OR1J2: variants seen among roughly 807,000 people sequenced by gnomAD.
OR1J2 encodes the protein olfactory receptor 1J2.
For missense variants in OR1J2, 304 were observed against 246.1 expected, an observed-to-expected ratio of 1.24 and a Z score of -1.57; for synonymous variants, 142 against 99.7, an observed-to-expected ratio of 1.42 and a Z score of -2.52.
chr9:122,501,578 T>C, the OR1J2 span, among the ~76,000 whole-genome samples: 1 of 152,226 alleles, frequency 6.6e-6, no homozygotes, highest in Non-Finnish European at 1.5e-5. Context: ...CCCTTCTTAA[T>C]ACGTGCCGAG....
the OR1J2 span, among the ~76,000 whole-genome samples, chr9:122,502,760 TA>T: frequency 6.6e-6 from 1 of 152,130 alleles, no homozygotes; most frequent in Non-Finnish European, 1.5e-5. Context: ...GTGGAATCTT[TA>T]CTGTGTTTCC....
chr9:122,539,636 G>T, the OR1J2 span, among the ~76,000 whole-genome samples: 4 of 152,110 alleles, frequency 2.6e-5, no homozygotes, highest in African/African-American at 9.7e-5. Context: ...ACCCAGTAAT[G>T]GGATGGCTGG....
the OR1J2 span, chr9:122,477,080 G>A: frequency 1.2e-6 from 2 of 1,613,904 alleles, no homozygotes. Flanking sequence ...TTCAACATGG[G>A]AGTGACTGCT....
chr9:122,496,003 T>C, the OR1J2 span, among the ~76,000 whole-genome samples: 1 of 152,194 alleles, frequency 6.6e-6, no homozygotes, highest in East Asian at 1.9e-4. Context: ...GGGATGGTAC[T>C]GGGGAGTATC....
chr9:122,578,058 A>T, the OR1J2 span, among the ~76,000 whole-genome samples: 27 of 152,366 alleles, frequency 1.8e-4, no homozygotes, highest in South Asian at 5.2e-3. Context: ...TAGTACAACC[A>T]CTATGGAAAA....
At chr9:122,541,266 G>A in the OR1J2 span, among the ~76,000 whole-genome samples, 3 of 152,106 alleles carry the variant, frequency 2.0e-5, no homozygotes, top group East Asian at 1.9e-4. Context: ...TAAATCCTAA[G>A]CTGGCAGTAG....
At chr9:122,505,003 T>A in the OR1J2 span, among the ~76,000 whole-genome samples, 1 of 152,048 alleles carries the variant, frequency 6.6e-6, no homozygotes, top group South Asian at 2.1e-4. Flanking sequence ...TTAACCGTCT[T>A]CCCTGGGTTT....
At chr9:122,507,453 A>G (rs1335266583), upstream of OR1J2, among the ~76,000 whole-genome samples, 3 of 152,166 alleles carry the variant, frequency 2.0e-5, no homozygotes. Context: ...CTTATCCCCA[A>G]ATACAGTCTA....
At chr9:122,572,990 C>T in the OR1J2 span, 1 of 152,394 alleles carries the variant, frequency 6.6e-6, no homozygotes. Flanking sequence ...CTCCCTGTTT[C>T]CTTCCTAATC....
the OR1J2 span, among the ~76,000 whole-genome samples, chr9:122,453,064 C>T: frequency 6.6e-6 from 1 of 151,342 alleles, no homozygotes; most frequent in African/African-American, 2.4e-5. Context: ...GGTGTGGCAC[C>T]TGCCCGTATC....
chr9:122,505,635 A>G, the OR1J2 span, among the ~76,000 whole-genome samples: 179 of 152,294 alleles, frequency 1.2e-3, no homozygotes, highest in African/African-American at 4.2e-3. Context: ...ATCCTCAAAC[A>G]TTATTATCTC....
At chr9:122,495,151 G>GACT in the OR1J2 span, among the ~76,000 whole-genome samples, 1 of 152,108 alleles carries the variant, frequency 6.6e-6, no homozygotes, top group East Asian at 1.9e-4. Context: ...ATAACCTGAA[G>GACT]ACTATGTGCC....
At chr9:122,509,657 G>T, upstream of OR1J2, among the ~76,000 whole-genome samples, 1 of 152,180 alleles carries the variant, frequency 6.6e-6, no homozygotes, top group East Asian at 1.9e-4. Flanking sequence ...GAACAGAGAG[G>T]TTGGCAAGGG....
At chr9:122,561,786 A>C in the OR1J2 span, among the ~76,000 whole-genome samples, 726 of 152,286 alleles carry the variant, frequency 4.8e-3, 4 homozygotes, top group Non-Finnish European at 7.2e-3. Flanking sequence ...AATGTCTGAC[A>C]ACCCCTGTTG....
the OR1J2 span, among the ~76,000 whole-genome samples, chr9:122,459,683 G>C: frequency 6.6e-6 from 1 of 152,116 alleles, no homozygotes; most frequent in Non-Finnish European, 1.5e-5. Flanking sequence ...ATGTCAGAGA[G>C]ATGTCAGTAC....
the OR1J2 span, among the ~76,000 whole-genome samples, chr9:122,575,500 A>T: frequency 6.6e-6 from 1 of 151,950 alleles, no homozygotes; most frequent in Non-Finnish European, 1.5e-5. Flanking sequence ...TGTTCATAGT[A>T]TTTCTTTATT....
chr9:122,488,582 GGTTA>G, the OR1J2 span, among the ~76,000 whole-genome samples: 1 of 152,148 alleles, frequency 6.6e-6, no homozygotes, highest in Non-Finnish European at 1.5e-5. Context: ...ATTTATTTTT[GGTTA>G]GTGATGACAC....
chr9:122,540,642 A>G, the OR1J2 span, among the ~76,000 whole-genome samples: 3 of 152,072 alleles, frequency 2.0e-5, no homozygotes, highest in Non-Finnish European at 4.4e-5. Flanking sequence ...GTTTTTTCCA[A>G]TTCTGTGCAG....
At chr9:122,521,161 A>C in the OR1J2 span, among the ~76,000 whole-genome samples, 1 of 152,256 alleles carries the variant, frequency 6.6e-6, no homozygotes. Context: ...AAGTAAATGC[A>C]GTAATAAATT....
Sources: gnomAD v4.1 joint callset for allele counts (sites outside exome capture counted in the v4.1 genomes callset) on GRCh38, gnomAD v4.1.1 for gene constraint, MANE v1.5 for transcripts, NCBI Gene and HGNC (gene_info 2026-07-23, HGNC 2026-07-21) for gene names.